The following FCHSD2 variants were observed in gnomAD, a reference collection of about 807,000 sequenced individuals.
The protein encoded by FCHSD2 is F-BAR and double SH3 domains protein 2.
In FCHSD2, 38 loss-of-function variants were observed where a neutral mutation model predicts 108.1. The ratio of observed to expected loss-of-function variants is 0.35; its 90% CI spans 0.27 to 0.46. FCHSD2 has a LOEUF of 0.46. Ranked by LOEUF, FCHSD2 falls within the 20% of genes least tolerant of loss-of-function variation. The pLI is 1.00. For synonymous variants in FCHSD2, 279 were observed against 314.7 expected, an observed-to-expected ratio of 0.89 and a Z score of 1.20; for missense variants, 751 against 897.8, an observed-to-expected ratio of 0.84 and a Z score of 2.09.
chr11:72,880,633 T>C (rs1267621624), intron 12 of FCHSD2, among the ~76,000 whole-genome samples: 1 of 151,896 alleles, frequency 6.6e-6, no homozygotes, highest in Non-Finnish European at 1.5e-5. Flanking sequence ...CCCAATATTA[T>C]GGCTGGGCAC....
chr11:73,084,141 C>G (rs1415360034), intron 2 of FCHSD2, among the ~76,000 whole-genome samples: 1 of 152,184 alleles, frequency 6.6e-6, no homozygotes, highest in Non-Finnish European at 1.5e-5. Flanking sequence ...ATAAGAATAG[C>G]TACTATATAT....
chr11:72,970,670 T>C (rs1856990710), intron 8 of FCHSD2, among the ~76,000 whole-genome samples: 2 of 152,198 alleles, frequency 1.3e-5, no homozygotes, highest in Admixed American at 6.5e-5. Flanking sequence ...TGCCACTGTC[T>C]GCTGCCACAG....
At chr11:73,014,002 C>A (rs1857915574) in intron 4 of FCHSD2, among the ~76,000 whole-genome samples, 1 of 152,102 alleles carries the variant, frequency 6.6e-6, no homozygotes, top group Non-Finnish European at 1.5e-5. Flanking sequence ...ACATCCCATG[C>A]TCACTGTCAC....
chr11:73,065,305 A>C (rs1859265785), intron 3 of FCHSD2, among the ~76,000 whole-genome samples: 1 of 152,222 alleles, frequency 6.6e-6, no homozygotes, highest in African/African-American at 2.4e-5. Context: ...AAAATTAAAC[A>C]GCGCTTCATG....
chr11:72,997,510 A>G (rs1041515182), intron 5 of FCHSD2, among the ~76,000 whole-genome samples: 1 of 152,180 alleles, frequency 6.6e-6, no homozygotes. Flanking sequence ...AAATCAAGAA[A>G]AACCGCAGGC....
chr11:73,106,569 T>C (rs968318935), intron 2 of FCHSD2, among the ~76,000 whole-genome samples: 1 of 152,056 alleles, frequency 6.6e-6, no homozygotes, highest in African/African-American at 2.4e-5. Context: ...AGCAAAACAG[T>C]AGATAAGAAT....
At chr11:73,022,339 T>C (rs1312513711) in intron 3 of FCHSD2, among the ~76,000 whole-genome samples, 1 of 152,148 alleles carries the variant, frequency 6.6e-6, no homozygotes, top group East Asian at 1.9e-4. Flanking sequence ...TATTCATAGA[T>C]GACATGATTG....
intron 3 of FCHSD2, among the ~76,000 whole-genome samples, chr11:73,039,211 T>C (rs1160185670): frequency 6.7e-6 from 1 of 150,168 alleles, no homozygotes; most frequent in Middle Eastern, 3.2e-3. Context: ...CTCATAAACC[T>C]ACCTCCATAA....
chr11:72,977,215 C>T (rs1312407405), intron 8 of FCHSD2, among the ~76,000 whole-genome samples: 1 of 152,166 alleles, frequency 6.6e-6, no homozygotes, highest in East Asian at 1.9e-4. Flanking sequence ...AGCCACTACA[C>T]CCAGCCCAAA....
intron 3 of FCHSD2, among the ~76,000 whole-genome samples, chr11:73,046,665 A>G (rs1174753485): frequency 6.6e-6 from 1 of 152,208 alleles, no homozygotes; most frequent in African/African-American, 2.4e-5. Context: ...CTTACAAGGA[A>G]GCCATTTTCA....
intron 3 of FCHSD2, among the ~76,000 whole-genome samples, chr11:73,063,028 T>C (rs895588941): frequency 2.0e-5 from 3 of 152,114 alleles, no homozygotes; most frequent in African/African-American, 7.2e-5. Context: ...ATGTTAAGGG[T>C]AGCCAGAGAG....
intron 2 of FCHSD2, among the ~76,000 whole-genome samples, chr11:73,106,278 A>G (rs1453018647): frequency 6.6e-6 from 1 of 152,006 alleles, no homozygotes; most frequent in Non-Finnish European, 1.5e-5. Context: ...ATGGTGACAT[A>G]AACCTATATC....
chr11:73,031,109 A>C (rs1358217133), intron 3 of FCHSD2, among the ~76,000 whole-genome samples: 1 of 152,186 alleles, frequency 6.6e-6, no homozygotes, highest in Non-Finnish European at 1.5e-5. Flanking sequence ...AAGTGAAATA[A>C]GCCAGATAGA....
At chr11:73,102,231 T>C (rs1591554438) in intron 2 of FCHSD2, among the ~76,000 whole-genome samples, 1 of 152,170 alleles carries the variant, frequency 6.6e-6, no homozygotes, top group Non-Finnish European at 1.5e-5. Context: ...TTCCAAGTGC[T>C]GATAAGGATT....
chr11:72,873,812 C>T (rs1315473235), intron 12 of FCHSD2, among the ~76,000 whole-genome samples: 5 of 152,200 alleles, frequency 3.3e-5, no homozygotes, highest in Admixed American at 1.3e-4. Flanking sequence ...GCTCCAGCAT[C>T]CCGGGTTCCT....
chr11:72,872,728 C>T (rs766470772), intron 12 of FCHSD2, among the ~76,000 whole-genome samples: 1 of 152,028 alleles, frequency 6.6e-6, no homozygotes, highest in Non-Finnish European at 1.5e-5. Flanking sequence ...TATTTCTTGG[C>T]TATTATGAAT....
rs1387576706 is a variant in FCHSD2 at position 72,849,785 on chromosome 11, T to G, written c.1413A>C (p.Pro471=). Reference sequence around the variant, plus strand: ...AGGAATAAACAACTTTGCAGGTGAGTGGATAATTTCTTAAGGTGCCAGAAG... The same window carrying G: ...AGGAATAAACAACTTTGCAGGTGAGGGGATAATTTCTTAAGGTGCCAGAAG... ...SSPSGTLRNY[P]LTCKVVYSYK... Residue 471 remains proline (P), a synonymous_variant, in exon 14 of 20, where the codon CCA becomes CCC. Transcript: ENST00000409418. 3.1e-6 allele frequency: 5 copies of G among 1,612,340 alleles called. No homozygotes were observed. Among genetic ancestry groups the G allele is most frequent in the Non-Finnish European group, 4.2e-6 (5 of 1,178,784 alleles).
chr11:72,965,132 T>C (rs1294930410), intron 8 of FCHSD2, among the ~76,000 whole-genome samples: 4 of 152,164 alleles, frequency 2.6e-5, no homozygotes, highest in East Asian at 1.9e-4. Flanking sequence ...TAGATCCCCA[T>C]TGCCTGTAGA....
At chr11:73,078,542 T>C (rs2135508528) in intron 3 of FCHSD2, among the ~76,000 whole-genome samples, 1 of 152,046 alleles carries the variant, frequency 6.6e-6, no homozygotes, top group South Asian at 2.1e-4. Context: ...AAAAGCTGAA[T>C]ACTGAATGAA....
Sources: allele counts gnomAD v4.1 joint callset (sites outside exome capture counted in the v4.1 genomes callset), GRCh38; gene constraint gnomAD v4.1.1; transcripts MANE v1.5; gene names NCBI Gene and HGNC (gene_info 2026-07-23, HGNC 2026-07-21).